CPSF2: variants seen among roughly 807,000 people sequenced by gnomAD.
The protein encoded by CPSF2 is cleavage and polyadenylation specific factor 2.
Under a neutral mutation model 84.2 loss-of-function variants are expected in CPSF2, and 51 were observed. The ratio of observed to expected loss-of-function variants is 0.61; its 90% CI spans 0.48 to 0.77. CPSF2 has a LOEUF of 0.77. Ranked by LOEUF, CPSF2 falls within the 30% of genes least tolerant of loss-of-function variation. The pLI is 0.00. For synonymous variants in CPSF2, 286 were observed against 311.9 expected (o/e 0.92, Z 0.87); for missense variants, 641 against 929.4 (o/e 0.69, Z 4.03).
At chr14:92,135,535 GGT>G (rs2068987369) in intron 6 of CPSF2, 39 bp downstream of exon 6, 1 of 1,545,136 alleles carries the variant, frequency 6.5e-7, no homozygotes, top group African/African-American at 1.4e-5. Context: ...CAATGCAATT[GGT>G]ATTATTTTAT....
intron 9 of CPSF2, among the ~76,000 whole-genome samples, chr14:92,152,881 T>A (rs1037917176): frequency 6.6e-6 from 1 of 152,136 alleles, no homozygotes; most frequent in Non-Finnish European, 1.5e-5. Context: ...TCTAAGGTAG[T>A]CCTGAGATAA....
At chr14:92,156,389 G>A in intron 11 of CPSF2, 90 bp from the exon 12 acceptor site, 1 of 934,608 alleles carries the variant, frequency 1.1e-6, no homozygotes, top group South Asian at 2.0e-5. Context: ...GATATGTGAG[G>A]ACTCCAAAAA....
At chr14:92,124,129 A>G (rs1380022008) in intron 1 of CPSF2, among the ~76,000 whole-genome samples, 1 of 152,224 alleles carries the variant, frequency 6.6e-6, no homozygotes, top group East Asian at 1.9e-4. Context: ...AACCTGCCTG[A>G]GCATTTAGTG....
chr14:92,161,045 T>C lies in CPSF2; in HGVS notation c.2122-67T>C, dbSNP rs2069364627. Reference sequence around the variant, plus strand: ...TTAGAGATAATGTAGTATTTTACTTTATTCAGTACAGTTGTATGTCTGGTG... The same window carrying C: ...TTAGAGATAATGTAGTATTTTACTTCATTCAGTACAGTTGTATGTCTGGTG... On this transcript the variant is annotated intron_variant, in intron 14 of 15. Transcript: ENST00000298875. 47 of 1,445,768 alleles carry C rather than the reference T, an allele frequency of 3.3e-5. No homozygotes were observed. The South Asian group carries it at 5.5e-4, about 17-fold the overall frequency. 89.6% of individuals were successfully genotyped at this position (1,445,768 alleles called of 1,614,324 possible). A position where few individuals can be genotyped will look rare whatever the true frequency, so the allele number is the denominator to read the frequency against.
rs1179288271 is a variant in CPSF2, at chr14:92,130,989, C to T, written c.5C>T (p.Thr2Met). The T allele has an allele frequency of 3.7e-6, 6 of 1,608,336 alleles. No homozygotes were observed. Among genetic ancestry groups the T allele is most frequent in the South Asian group, 1.1e-5 (1 of 89,226 alleles). ...GCTGTTTCTGGACCAAAAAAAATGA[C>T]GTCTATTATCAAATTAACTACCCTT... M[T>M]SIIKLTTLSG... Residue 2 changes from threonine (T) to methionine (M), a missense_variant, in exon 3 of 16, where the codon ACG becomes ATG. Transcript: ENST00000298875.
At chr14:92,143,873 G>A (rs1261799315) in intron 9 of CPSF2, among the ~76,000 whole-genome samples, 3 of 152,148 alleles carry the variant, frequency 2.0e-5, no homozygotes, top group Non-Finnish European at 4.4e-5. Context: ...GTACCCTCTA[G>A]TTTACCCAGA....
chr14:92,130,470 A>G (rs959067795), intron 2 of CPSF2, among the ~76,000 whole-genome samples: 22 of 152,238 alleles, frequency 1.4e-4, no homozygotes, highest in African/African-American at 5.3e-4. Flanking sequence ...GGATGAGTTC[A>G]TTAATTCCTA....
At position 92,155,226 on chromosome 14, in the gene CPSF2, C is replaced by T. The variant is rs774187946; in HGVS notation, c.1345C>T (p.Arg449Cys). 3 of 1,613,886 alleles carry T rather than the reference C, an allele frequency of 1.9e-6. No individual in the cohort carries two copies. Among genetic ancestry groups the T allele is most frequent in the African/African-American group, 1.3e-5 (1 of 74,978 alleles). The change falls in exon 11 of 16, where the codon CGT becomes TGT. Residue 449 changes from arginine (R) to cysteine (C), a missense_variant. Transcript: ENST00000298875. Reference protein sequence around the residue: ...HDLMMKGEGSRKGSFFKQAKK... With the variant: ...HDLMMKGEGSCKGSFFKQAKK... ...CTTGATGATGAAAGGTGAAGGCAGTCGTAAAGGAAGTTTTTTCAAACAGGC... is the reference window on the plus strand; with the variant it reads ...CTTGATGATGAAAGGTGAAGGCAGTTGTAAAGGAAGTTTTTTCAAACAGGC...
At chr14:92,137,644 T>G (rs1211393352) in intron 6 of CPSF2, among the ~76,000 whole-genome samples, 1 of 152,216 alleles carries the variant, frequency 6.6e-6, no homozygotes, top group Non-Finnish European at 1.5e-5. Context: ...AGTAAATACA[T>G]TTTTAGGAAT....
intron 7 of CPSF2, among the ~76,000 whole-genome samples, chr14:92,140,242 G>A (rs1003995577): frequency 1.3e-5 from 2 of 150,690 alleles, no homozygotes; most frequent in Admixed American, 6.6e-5. Flanking sequence ...GTGAGCCACC[G>A]CGCCCTGCCA....
In CPSF2 at chr14:92,138,286, A is replaced by G. The variant is rs2069026369; in HGVS notation, c.600A>G (p.Thr200=). ...EMLSRPSLLI[T]DSFNATYVQP... is the part of the protein sequence containing the mutation. The stretch of plus-strand genomic sequence containing the variant: ...TAAGCAGGCCTTCCCTACTTATCAC[A>G]GATTCATTCAATGCTACATATGTAC... Residue 200 remains threonine (T), a synonymous_variant, in exon 7 of 16, where the codon ACA becomes ACG. Coordinates refer to ENST00000298875, the MANE Select transcript of CPSF2 (RefSeq NM_017437.3). 1 of 1,609,184 alleles carries G rather than the reference A, an allele frequency of 6.2e-7. No individual in the cohort carries two copies. Among genetic ancestry groups the G allele is most frequent in the East Asian group, 2.3e-5 (1 of 44,356 alleles).
intron 6 of CPSF2, among the ~76,000 whole-genome samples, chr14:92,137,740 C>T (rs1379516618): frequency 2.0e-5 from 3 of 151,774 alleles, no homozygotes; most frequent in South Asian, 2.1e-4. Flanking sequence ...AATAAGTGAC[C>T]GAAATATCAG....
At chr14:92,144,352 C>T (rs1237084215) in intron 9 of CPSF2, among the ~76,000 whole-genome samples, 1 of 152,204 alleles carries the variant, frequency 6.6e-6, no homozygotes, top group Non-Finnish European at 1.5e-5. Context: ...ATCATGCTAT[C>T]TGCTCCTGTG....
At chr14:92,125,179 G>C (rs1422865083) in intron 1 of CPSF2, among the ~76,000 whole-genome samples, 10 of 152,164 alleles carry the variant, frequency 6.6e-5, no homozygotes, top group Admixed American at 6.5e-4. Context: ...TGGAGGCAGA[G>C]AAACTGAGAA....
At chr14:92,127,087 G>A (rs576076595) in intron 2 of CPSF2, among the ~76,000 whole-genome samples, 7 of 152,284 alleles carry the variant, frequency 4.6e-5, no homozygotes, top group South Asian at 4.1e-4. Flanking sequence ...CTGTGGAGGC[G>A]CTGGAATGTA....
At chr14:92,147,552 C>G (rs1445024940) in intron 9 of CPSF2, among the ~76,000 whole-genome samples, 1 of 151,930 alleles carries the variant, frequency 6.6e-6, no homozygotes, top group African/African-American at 2.4e-5. Flanking sequence ...TAAACTAAAT[C>G]ACAGAGGTAA....
Position 92,158,863 on chromosome 14 carries a change from A to T in CPSF2, c.1822-120A>T, listed in dbSNP as rs952859504. The T allele has an allele frequency of 7.0e-6, 6 of 856,360 alleles. No homozygotes were observed. The African/African-American group carries it at 8.6e-5, about 12-fold the overall frequency. 53.0% of individuals were successfully genotyped at this position (856,360 alleles called of 1,614,324 possible). ...TGCAGGTCATTGTGGGACTCAGATGAGTGAAAGATTTTCCAATTTTAACAT... is the reference window on the plus strand; with the variant it reads ...TGCAGGTCATTGTGGGACTCAGATGTGTGAAAGATTTTCCAATTTTAACAT... On this transcript the variant is annotated intron_variant, in intron 13 of 15. Coordinates refer to ENST00000298875, the MANE Select transcript of CPSF2 (RefSeq NM_017437.3).
At position 92,154,441 on chromosome 14, in the gene CPSF2, G is replaced by C; in HGVS notation, c.1224G>C (p.Lys408Asn). 6.2e-7 allele frequency: 1 copy of C among 1,605,824 alleles called. No individual in the cohort carries two copies. The highest frequency in any genetic ancestry group is 8.5e-7 in the Non-Finnish European group (1 of 1,176,536). Residue 408 changes from lysine to asparagine, a missense_variant, in exon 10 of 16, where the codon AAG (lysine) becomes AAC (asparagine). Physicochemically the swap from Lys to Asn is moderately conservative, Grantham distance 94 (BLOSUM62 0). Coordinates refer to ENST00000298875, the MANE Select transcript of CPSF2 (RefSeq NM_017437.3). ...KEKLKKEAAK[K>N]LEQSKEADID... ...AACTAAAGAAAGAAGCTGCCAAAAA[G>C]CTTGAGCAGTCAAAAGAGTGAGTCA...
intron 2 of CPSF2, among the ~76,000 whole-genome samples, chr14:92,126,770 C>G (rs2068850804): frequency 6.6e-6 from 1 of 152,162 alleles, no homozygotes; most frequent in Non-Finnish European, 1.5e-5. Flanking sequence ...CACCACTGCA[C>G]TCCAGCCTGG....
Sources: allele counts gnomAD v4.1 joint callset (sites outside exome capture counted in the v4.1 genomes callset), GRCh38; gene constraint gnomAD v4.1.1; transcripts MANE v1.5; gene names NCBI Gene and HGNC (gene_info 2026-07-23, HGNC 2026-07-21).